CEP128: variants seen among roughly 807,000 people sequenced by gnomAD.
CEP128 encodes the protein centrosomal protein 128kDa.
A neutral mutation model predicts 156.7 loss-of-function variants in CEP128; 132 were observed. That is an observed-to-expected ratio of 0.84 (90% confidence interval 0.73 to 0.97). The LOEUF is 0.97. Ranked by LOEUF, CEP128 falls within the 50% of genes least tolerant of loss-of-function variation. The pLI, the probability that CEP128 is intolerant of heterozygous loss-of-function variation, is 0.00. For synonymous variants in CEP128, 469 were observed against 448.9 expected, an observed-to-expected ratio of 1.04 and a Z score of -0.57; for missense variants, 1,252 against 1,281.9, an observed-to-expected ratio of 0.98 and a Z score of 0.36.
chr14:80,939,396 C>A lies in CEP128; in HGVS notation c.-27G>T, dbSNP rs1886023573. On this transcript the variant is annotated 5_prime_UTR_variant, in exon 2 of 25. Transcript: ENST00000555265. The stretch of plus-strand genomic sequence containing the variant: ...GAAAGCATACTTACAAAGCACACCC[C>A]CAAAACTCCGAGTTGCTCTTCTCTG... The A allele has an allele frequency of 6.6e-6, 1 of 152,136 alleles. No homozygotes were observed. The highest frequency in any genetic ancestry group is 2.4e-5 in the African/African-American group (1 of 41,428). The allele number at this position is 152,136 out of a possible 1,614,324, so 9.4% of individuals were successfully genotyped here.
chr14:80,532,069 A>T lies in CEP128; in HGVS notation c.2881-1183T>A, dbSNP rs11845515. Among the ~76,000 whole-genome samples the T allele has an allele frequency of 7.9e-3, 1,202 of 152,334 alleles. 12 individuals are homozygous for T. The highest frequency in any genetic ancestry group is 0.028 in the African/African-American group (1,160 of 41,580). On this transcript the variant is annotated intron_variant, in intron 21 of 24. Coordinates refer to ENST00000555265, the MANE Select transcript of CEP128 (RefSeq NM_152446.5). ...AGATTTCAGAGTTAGTTATCAATGCATCATATAGCATTAATTATCATATAT... is the reference window on the plus strand; with the variant it reads ...AGATTTCAGAGTTAGTTATCAATGCTTCATATAGCATTAATTATCATATAT...
chr14:80,954,881 C>A (rs1265244195), intron 2 of CEP128: 2 of 152,484 alleles, frequency 1.3e-5, no homozygotes, highest in Non-Finnish European at 2.9e-5. Flanking sequence ...ATTAAGGGAA[C>A]CTGGAATTAT....
At chr14:80,512,354 T>C (rs1888300636) in intron 23 of CEP128, among the ~76,000 whole-genome samples, 1 of 152,038 alleles carries the variant, frequency 6.6e-6, no homozygotes, top group African/African-American at 2.4e-5. Context: ...TTGTCTTTTA[T>C]AGATTTTTGT....
chr14:80,636,761 A>G (rs1200729273), intron 19 of CEP128, among the ~76,000 whole-genome samples: 1 of 151,488 alleles, frequency 6.6e-6, no homozygotes, highest in Non-Finnish European at 1.5e-5. Context: ...TTTCCCCCCA[A>G]CTCTTCTCCA....
intron 19 of CEP128, among the ~76,000 whole-genome samples, chr14:80,729,522 C>T (rs1382951645): frequency 6.6e-6 from 1 of 152,038 alleles, no homozygotes; most frequent in African/African-American, 2.4e-5. Context: ...TCATAATCTT[C>T]ATAAATTCCC....
intron 19 of CEP128, among the ~76,000 whole-genome samples, chr14:80,658,465 G>T (rs1196918063): frequency 6.6e-6 from 1 of 152,176 alleles, no homozygotes; most frequent in African/African-American, 2.4e-5. Flanking sequence ...CTGATTTCTA[G>T]AAGAGTTGCC....
At chr14:80,825,107 A>AT (rs1885399211) in intron 13 of CEP128, among the ~76,000 whole-genome samples, 2 of 152,222 alleles carry the variant, frequency 1.3e-5, no homozygotes, top group Non-Finnish European at 2.9e-5. Flanking sequence ...ATTCACTATC[A>AT]TAAGAACAGT....
Position 80,838,272 on chromosome 14 carries a change from G to T in CEP128, c.856C>A (p.Gln286Lys), listed in dbSNP as rs758416904. 1 of 1,611,826 alleles carries T rather than the reference G, an allele frequency of 6.2e-7. No homozygotes were observed. The highest frequency in any genetic ancestry group is 1.3e-5 in the African/African-American group (1 of 74,902). The change falls in exon 11 of 25, where the codon CAG (glutamine) becomes AAG (lysine). Residue 286 changes from glutamine to lysine, a missense_variant. Physicochemically the swap from Gln to Lys is moderately conservative, Grantham distance 53 (BLOSUM62 1). Coordinates refer to ENST00000555265, the MANE Select transcript of CEP128 (RefSeq NM_152446.5). ...QTETEKNQLE[Q>K]ELELSRRLLN... ...AACCTTCGAGATAGCTCCAATTCCTGTTCAAGCTAGAGTTTCAACAAAGGA... is the reference window on the plus strand; with the variant it reads ...AACCTTCGAGATAGCTCCAATTCCTTTTCAAGCTAGAGTTTCAACAAAGGA...
chr14:80,951,151 C>CA (rs1056689058), intron 2 of CEP128, among the ~76,000 whole-genome samples: 2 of 151,632 alleles, frequency 1.3e-5, no homozygotes, highest in East Asian at 3.9e-4. Context: ...ATATGTATGA[C>CA]AAAAAAATTA....
downstream of CEP128, among the ~76,000 whole-genome samples, chr14:80,494,124 G>A (rs1198476360): frequency 6.6e-6 from 1 of 152,136 alleles, no homozygotes; most frequent in African/African-American, 2.4e-5. Flanking sequence ...CTAAACATTT[G>A]AGAACTTAAA....
chr14:80,914,099 C>T (rs1441917048), intron 4 of CEP128, among the ~76,000 whole-genome samples: 1 of 152,178 alleles, frequency 6.6e-6, no homozygotes, highest in Non-Finnish European at 1.5e-5. Flanking sequence ...ATTCTACTCT[C>T]TCTGATGTAA....
intron 21 of CEP128, among the ~76,000 whole-genome samples, chr14:80,551,296 T>C (rs965187769): frequency 1.3e-5 from 2 of 152,236 alleles, no homozygotes; most frequent in Non-Finnish European, 2.9e-5. Context: ...GTTTTTCTTT[T>C]GTTTAACTCA....
rs186792937 is a variant in CEP128, at chr14:80,838,078, A to G, written c.924+126T>C. 4.6e-6 allele frequency: 3 copies of G among 646,712 alleles called. No homozygotes were observed. The East Asian group carries it at 8.2e-5, about 18-fold the overall frequency. The allele number at this position is 646,712 out of a possible 1,614,324, so 40.1% of individuals were successfully genotyped here. A position where few individuals can be genotyped will look rare whatever the true frequency, so the allele number is the denominator to read the frequency against. Reference sequence around the variant, plus strand: ...ATCCTTTGCTTAGGTGTGCTAATATACATTCCTTAGGAAAACATTTTTTCT... The same window carrying G: ...ATCCTTTGCTTAGGTGTGCTAATATGCATTCCTTAGGAAAACATTTTTTCT... On this transcript the variant is annotated intron_variant, in intron 11 of 24. Coordinates refer to ENST00000555265, the MANE Select transcript of CEP128 (RefSeq NM_152446.5).
chr14:80,895,863 C>T (rs1889330030), intron 7 of CEP128, 73 bp from the exon 8 acceptor site: 1 of 1,025,000 alleles, frequency 9.8e-7, no homozygotes, highest in Admixed American at 3.2e-5. Flanking sequence ...AAATGTATAA[C>T]ATGATAATTA....
intron 19 of CEP128, among the ~76,000 whole-genome samples, chr14:80,658,531 CTTAT>C (rs1895269912): frequency 2.0e-5 from 3 of 152,164 alleles, no homozygotes; most frequent in Admixed American, 1.3e-4. Context: ...AGCTTACATA[CTTAT>C]TTATTTTTGA....
chr14:80,798,282 G>A (rs1446748096), intron 13 of CEP128, among the ~76,000 whole-genome samples: 1 of 152,160 alleles, frequency 6.6e-6, no homozygotes, highest in Non-Finnish European at 1.5e-5. Flanking sequence ...AGGATTTATA[G>A]GACTCGGCAT....
chr14:80,578,000 C>T (rs1891429590), intron 20 of CEP128, among the ~76,000 whole-genome samples: 1 of 152,144 alleles, frequency 6.6e-6, no homozygotes, highest in Non-Finnish European at 1.5e-5. Context: ...GATTGCCACC[C>T]CACTCCAGTT....
intron 19 of CEP128, among the ~76,000 whole-genome samples, chr14:80,588,492 A>ACAAACTTTTGAC (rs1322880730): frequency 6.6e-6 from 1 of 152,128 alleles, no homozygotes; most frequent in Non-Finnish European, 1.5e-5. Context: ...AGATAGTTTT[A>ACAAACTTTTGAC]AGGTATATAT....
intron 19 of CEP128, among the ~76,000 whole-genome samples, chr14:80,693,623 A>G (rs1896791543): frequency 6.6e-6 from 1 of 152,340 alleles, no homozygotes; most frequent in East Asian, 1.9e-4. Context: ...CTTTATTTTA[A>G]AAAAGAGAAC....
Sources: allele counts gnomAD v4.1 joint callset (sites outside exome capture counted in the v4.1 genomes callset), GRCh38; gene constraint gnomAD v4.1.1; transcripts MANE v1.5; gene names NCBI Gene and HGNC (gene_info 2026-07-23, HGNC 2026-07-21).